Variants in CACNB4 observed in about 807,000 individuals in gnomAD.
The protein encoded by CACNB4 is calcium voltage-gated channel auxiliary subunit beta 4.
In CACNB4, 32 loss-of-function variants were observed where a neutral mutation model predicts 71.2. That is an observed-to-expected ratio of 0.45 (90% CI 0.34 to 0.60). CACNB4 has a LOEUF of 0.60. Ranked by LOEUF, CACNB4 falls within the 20% of genes least tolerant of loss-of-function variation. The pLI is 0.01. For synonymous variants in CACNB4, 231 were observed against 236.9 expected (o/e 0.97, Z 0.23); for missense variants, 464 against 647.9 (o/e 0.72, Z 3.08).
chr2:151,952,098 A>G (rs1214017931), intron 2 of CACNB4, among the ~76,000 whole-genome samples: 1 of 152,162 alleles, frequency 6.6e-6, no homozygotes, highest in Admixed American at 6.5e-5. Flanking sequence ...TATATACACC[A>G]TCTAGGGTAT....
chr2:151,846,123 C>T (rs1311074328), intron 12 of CACNB4, among the ~76,000 whole-genome samples: 1 of 152,134 alleles, frequency 6.6e-6, no homozygotes, highest in Non-Finnish European at 1.5e-5. Context: ...AGAAGTAATG[C>T]TCTTTACTAG....
At chr2:151,847,706 A>C (rs1280419912) in intron 12 of CACNB4, among the ~76,000 whole-genome samples, 1 of 152,130 alleles carries the variant, frequency 6.6e-6, no homozygotes, top group Non-Finnish European at 1.5e-5. Flanking sequence ...CTTTTAAAAA[A>C]TACAAAAATC....
At chr2:152,014,730 C>CA (rs149045123) in intron 2 of CACNB4, among the ~76,000 whole-genome samples, 4,967 of 125,426 alleles carry the variant, frequency 0.04, 154 homozygotes, top group African/African-American at 0.085. Flanking sequence ...AACTCTGTCT[C>CA]AAAAAAAAAA....
chr2:151,942,723 T>C (rs2151636151), intron 2 of CACNB4, among the ~76,000 whole-genome samples: 1 of 152,288 alleles, frequency 6.6e-6, no homozygotes, highest in Non-Finnish European at 1.5e-5. Flanking sequence ...ACGGCCGCTC[T>C]AGGAATGTCT....
At position 151,982,444 on chromosome 2, in the gene CACNB4, T is replaced by C. The variant is rs185213260; in HGVS notation, c.148-99074A>G. Among the ~76,000 whole-genome samples the C allele has an allele frequency of 2.6e-4, 40 of 152,032 alleles. No homozygotes were observed. In the East Asian group the frequency reaches 4.1e-3, roughly 15 times the overall value. ...GTCAGGAGATTTAGACCATCCTGGC[T>C]AACACAGTGAAACCCTGTCTCTACT... On this transcript the variant is annotated intron_variant, in intron 2 of 13. Transcript: ENST00000539935.
intron 2 of CACNB4, among the ~76,000 whole-genome samples, chr2:152,002,430 C>A (rs1229637109): frequency 6.6e-6 from 1 of 152,126 alleles, no homozygotes; most frequent in Non-Finnish European, 1.5e-5. Flanking sequence ...ATATATACAG[C>A]AAATACTGTC....
intron 2 of CACNB4, among the ~76,000 whole-genome samples, chr2:152,072,839 T>C (rs1302158124): frequency 2.7e-4 from 41 of 150,506 alleles, no homozygotes; most frequent in Non-Finnish European, 3.0e-5. Flanking sequence ...TTAGTAGAGA[T>C]GGGGTTTCAC....
rs1204847885 is a variant in CACNB4 at position 151,838,222 on chromosome 2, T to C, written c.*897A>G. The C allele has an allele frequency of 6.6e-6, 1 of 152,636 alleles. No individual in the cohort carries two copies. Among genetic ancestry groups the C allele is most frequent in the Admixed American group, 6.5e-5 (1 of 15,276 alleles). The allele number at this position is 152,636 out of a possible 1,614,324, so 9.5% of individuals were successfully genotyped here. A position where few individuals can be genotyped will look rare whatever the true frequency, so the allele number is the denominator to read the frequency against. On this transcript the variant is annotated 3_prime_UTR_variant, in exon 14 of 14. Coordinates refer to ENST00000539935, the MANE Select transcript of CACNB4 (RefSeq NM_000726.5). ...ACTTCAGATTCCTGGATGTATGTAGTTGTGCTCAGATTGATTAAAGGGAGA... is the reference window on the plus strand; with the variant it reads ...ACTTCAGATTCCTGGATGTATGTAGCTGTGCTCAGATTGATTAAAGGGAGA...
At chr2:151,898,647 T>C (rs2099852645) in intron 2 of CACNB4, among the ~76,000 whole-genome samples, 1 of 152,232 alleles carries the variant, frequency 6.6e-6, no homozygotes, top group African/African-American at 2.4e-5. Flanking sequence ...TATCTTTGCT[T>C]TTCTATGAGA....
At chr2:151,990,411 C>T (rs953812340) in intron 2 of CACNB4, among the ~76,000 whole-genome samples, 28 of 152,196 alleles carry the variant, frequency 1.8e-4, no homozygotes, top group Admixed American at 1.4e-3. Flanking sequence ...ACCAAAAGCA[C>T]AACCCTCTCC....
At chr2:151,965,036 C>T (rs1323484899) in intron 2 of CACNB4, among the ~76,000 whole-genome samples, 1 of 152,186 alleles carries the variant, frequency 6.6e-6, no homozygotes, top group African/African-American at 2.4e-5. Context: ...ATTTGATCAA[C>T]AGGTTCTTAA....
chr2:151,939,539 G>A (rs184573349), intron 2 of CACNB4, among the ~76,000 whole-genome samples: 1 of 152,298 alleles, frequency 6.6e-6, no homozygotes, highest in East Asian at 1.9e-4. Flanking sequence ...CCCAGACAAG[G>A]CATCACCCGT....
intron 2 of CACNB4, among the ~76,000 whole-genome samples, chr2:151,923,994 A>C (rs2099859580): frequency 6.6e-6 from 1 of 151,132 alleles, no homozygotes; most frequent in African/African-American, 2.4e-5. Flanking sequence ...ATGTGACTCT[A>C]TGATACATTA....
At chr2:152,048,418 G>C (rs987406297) in intron 2 of CACNB4, 7 of 152,404 alleles carry the variant, frequency 4.6e-5, no homozygotes, top group African/African-American at 1.7e-4. Context: ...ATCAGCAGAC[G>C]GCCAGGCAGA....
chr2:151,932,851 G>A (rs2099861958), intron 2 of CACNB4, among the ~76,000 whole-genome samples: 1 of 151,180 alleles, frequency 6.6e-6, no homozygotes, highest in Non-Finnish European at 1.5e-5. Flanking sequence ...AAAAGGTGGG[G>A]GGTTGGGGAA....
chr2:151,949,433 C>T (rs941494808), intron 2 of CACNB4, among the ~76,000 whole-genome samples: 5 of 152,082 alleles, frequency 3.3e-5, no homozygotes, highest in African/African-American at 1.2e-4. Context: ...TTATGAGAGG[C>T]TTCTGGCAGG....
intron 2 of CACNB4, among the ~76,000 whole-genome samples, chr2:152,052,531 T>G (rs1173721490): frequency 6.6e-6 from 1 of 152,146 alleles, no homozygotes; most frequent in Admixed American, 6.5e-5. Flanking sequence ...TGACCTCAGG[T>G]GATCCGCCCG....
intron 2 of CACNB4, among the ~76,000 whole-genome samples, chr2:151,984,278 AC>A (rs1681207097): frequency 6.6e-6 from 1 of 152,178 alleles, no homozygotes; most frequent in Non-Finnish European, 1.5e-5. Flanking sequence ...ATTCATAAAT[AC>A]ATTGTTATGG....
At chr2:151,911,683 G>A (rs865860416) in intron 2 of CACNB4, among the ~76,000 whole-genome samples, 6 of 152,252 alleles carry the variant, frequency 3.9e-5, no homozygotes, top group Middle Eastern at 6.8e-3. Flanking sequence ...GGATAATGCT[G>A]GCTTCATAAA....
Sources: allele counts gnomAD v4.1 joint callset (sites outside exome capture counted in the v4.1 genomes callset), GRCh38; gene constraint gnomAD v4.1.1; transcripts MANE v1.5; gene names NCBI Gene and HGNC (gene_info 2026-07-23, HGNC 2026-07-21).